USH2A: variants seen among roughly 807,000 people sequenced by gnomAD.
USH2A encodes Usher syndrome 2A (autosomal recessive, mild).
In USH2A, 443 loss-of-function variants were observed where a neutral mutation model predicts 538.9. That is an observed-to-expected ratio of 0.82 (90% CI 0.76 to 0.89). The LOEUF is 0.89. USH2A is among the 40% of genes least tolerant of loss of function. The pLI, the probability that USH2A is intolerant of heterozygous loss-of-function variation, is 0.00. For missense variants in USH2A, 6,633 were observed against 6,324.8 expected, an observed-to-expected ratio of 1.05 and a Z score of -1.65; for synonymous variants, 2,413 against 2,273.5, an observed-to-expected ratio of 1.06 and a Z score of -1.75.
chr1:216,147,258 C>T (rs552845429), intron 21 of USH2A, among the ~76,000 whole-genome samples: 1 of 152,080 alleles, frequency 6.6e-6, no homozygotes, highest in African/African-American at 2.4e-5. Context: ...GGTCCCAATT[C>T]TTCCTCAGCC....
At chr1:216,340,548 A>AAAG (rs1553251984) in intron 4 of USH2A, among the ~76,000 whole-genome samples, 9 of 151,680 alleles carry the variant, frequency 5.9e-5, no homozygotes, top group Admixed American at 4.6e-4. Context: ...AAAAAAAAAA[A>AAAG]AAGAAGGAAA....
At chr1:216,303,129 A>C (rs987998029) in intron 9 of USH2A, among the ~76,000 whole-genome samples, 2 of 151,996 alleles carry the variant, frequency 1.3e-5, no homozygotes, top group African/African-American at 4.8e-5. Flanking sequence ...GCACTAAATA[A>C]AAAAGACACA....
chr1:215,643,204 G>T (rs897072432), intron 67 of USH2A, among the ~76,000 whole-genome samples: 1 of 151,940 alleles, frequency 6.6e-6, no homozygotes, highest in Admixed American at 6.6e-5. Context: ...CACCATGCTG[G>T]CCAGGCTCGT....
At chr1:216,072,577 G>T (rs767264502) in intron 29 of USH2A, 36 of 400,850 alleles carry the variant, frequency 9.0e-5, no homozygotes, top group Non-Finnish European at 1.6e-4. Context: ...ATCTGTAAAG[G>T]TTACCTATCC....
chr1:216,355,173 T>C (rs1345653239), intron 4 of USH2A, among the ~76,000 whole-genome samples: 1 of 151,596 alleles, frequency 6.6e-6, no homozygotes, highest in Non-Finnish European at 1.5e-5. Context: ...CATGGTGGCA[T>C]ACACCTGTAA....
intron 32 of USH2A, among the ~76,000 whole-genome samples, chr1:216,010,239 C>T (rs1668525693): frequency 6.6e-6 from 1 of 152,190 alleles, no homozygotes; most frequent in African/African-American, 2.4e-5. Context: ...ACTGCAGCGG[C>T]CAGGCCTTCC....
intron 44 of USH2A, among the ~76,000 whole-genome samples, chr1:215,847,515 C>T (rs1663892250): frequency 6.6e-6 from 1 of 151,886 alleles, no homozygotes; most frequent in Non-Finnish European, 1.5e-5. Flanking sequence ...TGTGATGGCA[C>T]ACACCTGTAG....
At chr1:215,810,401 T>C (rs955284454) in intron 49 of USH2A, among the ~76,000 whole-genome samples, 4 of 152,296 alleles carry the variant, frequency 2.6e-5, no homozygotes, top group East Asian at 1.9e-4. Flanking sequence ...TATGTTAGCA[T>C]TGAGAAAGTC....
intron 15 of USH2A, among the ~76,000 whole-genome samples, chr1:216,216,439 C>T (rs1439306479): frequency 6.6e-6 from 1 of 151,982 alleles, no homozygotes. Context: ...CTTTCTCCCT[C>T]CCCCCTTAAA....
rs2102811504 is a variant in USH2A, at chr1:215,833,604, C to T, written c.9371+4387G>A. 1.3e-5 allele frequency among the ~76,000 whole-genome samples: 2 copies of T among 151,996 alleles called. 1 individual carries two copies. Among genetic ancestry groups the T allele is most frequent in the South Asian group, 4.2e-4 (2 of 4,812 alleles). On this transcript the variant is annotated intron_variant, in intron 47 of 71. Transcript: ENST00000307340. The stretch of plus-strand genomic sequence containing the variant: ...ACATACAAATGTTCTAGGAAATAGA[C>T]AAGAGAAAGTCTCTGTGACCTTAAC...
intron 30 of USH2A, among the ~76,000 whole-genome samples, chr1:216,066,333 G>A (rs1264057816): frequency 2.0e-5 from 3 of 152,050 alleles, no homozygotes; most frequent in East Asian, 3.9e-4. Context: ...TTACCCGGGC[G>A]TGGAGGTCTG....
intron 14 of USH2A, among the ~76,000 whole-genome samples, chr1:216,223,285 G>A (rs2035494257): frequency 2.6e-5 from 4 of 152,084 alleles, no homozygotes; most frequent in East Asian, 1.9e-4. Context: ...ATTACATCAC[G>A]TTGAATAAAT....
chr1:216,000,290 C>G, intron 33 of USH2A, 113 bp downstream of exon 33: 1 of 1,412,624 alleles, frequency 7.1e-7, no homozygotes, highest in Non-Finnish European at 9.9e-7. Flanking sequence ...CTAATCACTT[C>G]TATGCATTTA....
intron 41 of USH2A, among the ~76,000 whole-genome samples, chr1:215,884,966 G>A (rs543027262): frequency 4.9e-4 from 74 of 152,262 alleles, no homozygotes; most frequent in Middle Eastern, 3.4e-3. Flanking sequence ...GTGAAAAAGT[G>A]GACAGGGGCA....
chr1:216,334,716 T>C (rs2037936136), intron 4 of USH2A, among the ~76,000 whole-genome samples: 1 of 151,858 alleles, frequency 6.6e-6, no homozygotes, highest in Non-Finnish European at 1.5e-5. Context: ...TTAGACAAAA[T>C]TTTTAGTAGA....
chr1:215,814,164 T>G (rs1662790577), intron 48 of USH2A, among the ~76,000 whole-genome samples: 1 of 146,006 alleles, frequency 6.8e-6, no homozygotes, highest in Admixed American at 7.2e-5. Context: ...ATGTATTTAA[T>G]TATATAAAAT....
At chr1:216,231,856 A>T in intron 14 of USH2A, 97 bp downstream of exon 14, 1 of 1,519,488 alleles carries the variant, frequency 6.6e-7, no homozygotes, top group South Asian at 1.1e-5. Context: ...CCGGGCAAAA[A>T]AAATACTTTT....
chr1:215,750,571 C>A (rs1275883229), intron 58 of USH2A, among the ~76,000 whole-genome samples: 1 of 152,148 alleles, frequency 6.6e-6, no homozygotes, highest in Non-Finnish European at 1.5e-5. Flanking sequence ...ATTACATTGT[C>A]CTCATTCATA....
intron 37 of USH2A, among the ~76,000 whole-genome samples, chr1:215,945,482 T>C (rs1315113467): frequency 1.3e-5 from 2 of 152,178 alleles, no homozygotes; most frequent in East Asian, 3.9e-4. Context: ...CCTAAGAATG[T>C]GGTTTGTAGC....
Sources: gnomAD v4.1 joint callset for allele counts (sites outside exome capture counted in the v4.1 genomes callset) on GRCh38, gnomAD v4.1.1 for gene constraint, MANE v1.5 for transcripts, NCBI Gene and HGNC (gene_info 2026-07-23, HGNC 2026-07-21) for gene names.